ANO10: variants seen among roughly 807,000 people sequenced by gnomAD.
The protein encoded by ANO10 is anoctamin 10.
In ANO10, 77 loss-of-function variants were observed where a neutral mutation model predicts 74.7. That is an observed-to-expected ratio of 1.03 (90% confidence interval 0.86 to 1.25). ANO10 has a LOEUF of 1.25. ANO10 is among the 50% of genes most tolerant of loss of function. The pLI is 0.00. For synonymous variants in ANO10, 279 were observed against 284.9 expected, an observed-to-expected ratio of 0.98 and a Z score of 0.21; for missense variants, 721 against 778.1, an observed-to-expected ratio of 0.93 and a Z score of 0.87.
At chr3:43,608,359 A>G (rs1274919717) in intron 1 of ANO10, among the ~76,000 whole-genome samples, 1 of 152,132 alleles carries the variant, frequency 6.6e-6, no homozygotes, top group Non-Finnish European at 1.5e-5. Context: ...ACAAAAATTG[A>G]CCCTGAGACA....
At chr3:43,497,048 T>C (rs766197719) in intron 11 of ANO10, among the ~76,000 whole-genome samples, 8 of 152,214 alleles carry the variant, frequency 5.3e-5, no homozygotes, top group Non-Finnish European at 1.2e-4. Flanking sequence ...GGGTTAGCAA[T>C]TGCAGAATTT....
intron 4 of ANO10, among the ~76,000 whole-genome samples, chr3:43,597,410 C>T (rs2082141022): frequency 6.6e-6 from 1 of 152,176 alleles, no homozygotes; most frequent in South Asian, 2.1e-4. Context: ...GGCACATATA[C>T]ACCATGGAAT....
intron 11 of ANO10, among the ~76,000 whole-genome samples, chr3:43,475,732 G>A (rs1041441370): frequency 3.3e-5 from 5 of 152,254 alleles, no homozygotes; most frequent in Admixed American, 2.0e-4. Flanking sequence ...CGGAGCAGCC[G>A]GGATTACAGG....
chr3:43,628,185 C>T (rs1457481766), intron 1 of ANO10, among the ~76,000 whole-genome samples: 1 of 152,150 alleles, frequency 6.6e-6, no homozygotes, highest in African/African-American at 2.4e-5. Context: ...AAGTCAGGGA[C>T]CCCAAACGGA....
At chr3:43,490,078 T>G (rs1471955671) in intron 11 of ANO10, among the ~76,000 whole-genome samples, 2 of 152,220 alleles carry the variant, frequency 1.3e-5, no homozygotes, top group Non-Finnish European at 2.9e-5. Context: ...ATCAGGCCGT[T>G]CTCAACGTGA....
At chr3:43,445,735 C>T (rs563342341) in intron 11 of ANO10, among the ~76,000 whole-genome samples, 3 of 152,212 alleles carry the variant, frequency 2.0e-5, no homozygotes, top group East Asian at 3.9e-4. Flanking sequence ...CGGGGTCTCA[C>T]TCTGTCACCC....
intron 11 of ANO10, among the ~76,000 whole-genome samples, chr3:43,522,665 C>A (rs4462942): frequency 6.6e-6 from 1 of 152,140 alleles, no homozygotes; most frequent in South Asian, 2.1e-4. Flanking sequence ...TCTGGTGTAT[C>A]TGGGCAAAGA....
chr3:43,553,832 G>A (rs1272804013), intron 10 of ANO10, among the ~76,000 whole-genome samples: 1 of 152,168 alleles, frequency 6.6e-6, no homozygotes, highest in African/African-American at 2.4e-5. Flanking sequence ...ACAGCACCCA[G>A]CTGATAATTT....
chr3:43,457,460 G>C (rs2075179992), intron 11 of ANO10, among the ~76,000 whole-genome samples: 1 of 152,162 alleles, frequency 6.6e-6, no homozygotes, highest in African/African-American at 2.4e-5. Context: ...GGAGAGAGAA[G>C]GGAGCAAGAG....
intron 4 of ANO10, among the ~76,000 whole-genome samples, chr3:43,581,904 C>G (rs1030052311): frequency 7.8e-6 from 1 of 127,842 alleles, no homozygotes; most frequent in African/African-American, 3.0e-5. Flanking sequence ...CCGGCCTGGG[C>G]AACAGAGCAA....
At chr3:43,614,292 CAT>C (rs1046263055) in intron 1 of ANO10, among the ~76,000 whole-genome samples, 4 of 152,152 alleles carry the variant, frequency 2.6e-5, no homozygotes, top group Admixed American at 6.5e-5. Flanking sequence ...TCTACAAACT[CAT>C]ATATTATTTG....
intron 1 of ANO10, among the ~76,000 whole-genome samples, chr3:43,680,533 C>T (rs2084181925): frequency 6.6e-6 from 1 of 152,134 alleles, no homozygotes; most frequent in African/African-American, 2.4e-5. Context: ...GGAGAACTTC[C>T]CCAGTCTAGC....
At chr3:43,566,174 C>G (rs1330636552) in intron 7 of ANO10, among the ~76,000 whole-genome samples, 1 of 152,130 alleles carries the variant, frequency 6.6e-6, no homozygotes, top group African/African-American at 2.4e-5. Flanking sequence ...GCACCTGGCT[C>G]GGAGGGTCCT....
chr3:43,658,539 A>G (rs552590738), intron 1 of ANO10, among the ~76,000 whole-genome samples: 2 of 152,088 alleles, frequency 1.3e-5, no homozygotes, highest in East Asian at 1.9e-4. Flanking sequence ...GTGCGATCTC[A>G]GCTCACTGCA....
At chr3:43,691,269 C>T (rs1049832065) in intron 1 of ANO10, 13 of 381,964 alleles carry the variant, frequency 3.4e-5, no homozygotes, top group Non-Finnish European at 5.0e-5. Context: ...CTGAGCCGGA[C>T]TCCGGCCGCG....
chr3:43,437,478 G>A (rs1013551965), intron 11 of ANO10, among the ~76,000 whole-genome samples: 1 of 152,170 alleles, frequency 6.6e-6, no homozygotes, highest in African/African-American at 2.4e-5. Flanking sequence ...CTTTTCAGAG[G>A]ACCGCCTGAG....
At chr3:43,647,826 A>C (rs1358782261) in intron 1 of ANO10, among the ~76,000 whole-genome samples, 2 of 152,204 alleles carry the variant, frequency 1.3e-5, no homozygotes, top group Non-Finnish European at 2.9e-5. Flanking sequence ...TCTGGGTTTC[A>C]GTTACTTCAT....
At chr3:43,537,593 G>C (rs1473499042) in intron 11 of ANO10, among the ~76,000 whole-genome samples, 4 of 147,110 alleles carry the variant, frequency 2.7e-5, no homozygotes, top group African/African-American at 1.0e-4. Context: ...CAGGCTCAGA[G>C]CAGGCATACT....
intron 11 of ANO10, among the ~76,000 whole-genome samples, chr3:43,479,472 AAAG>A (rs2076189036): frequency 6.6e-6 from 1 of 152,238 alleles, no homozygotes; most frequent in South Asian, 2.1e-4. Flanking sequence ...CAACAATAAA[AAAG>A]AACCAGAGAA....
Sources: gnomAD v4.1 joint callset for allele counts (sites outside exome capture counted in the v4.1 genomes callset) on GRCh38, gnomAD v4.1.1 for gene constraint, MANE v1.5 for transcripts, NCBI Gene and HGNC (gene_info 2026-07-23, HGNC 2026-07-21) for gene names.